DACH1: variants seen among roughly 807,000 people sequenced by gnomAD.
The protein encoded by DACH1 is dachshund homolog 1.
In DACH1, 12 loss-of-function variants were observed where a neutral mutation model predicts 54.2. The observed-to-expected ratio is 0.22, with a 90% CI of 0.14 to 0.36. The LOEUF is 0.36. Ranked by LOEUF, DACH1 falls within the 10% of genes least tolerant of loss-of-function variation. DACH1 has a pLI of 1.00. For missense variants in DACH1, 805 were observed against 929.8 expected (o/e 0.87, Z 1.75); for synonymous variants, 386 against 366.2 (o/e 1.05, Z -0.62).
chr13:71,597,142 C>T (rs1254716303), intron 3 of DACH1, among the ~76,000 whole-genome samples: 3 of 151,992 alleles, frequency 2.0e-5, no homozygotes, highest in Admixed American at 1.3e-4. Flanking sequence ...TGTGATGTAG[C>T]GTGAATTGAG....
At chr13:71,644,524 T>A (rs1878135274) in intron 2 of DACH1, among the ~76,000 whole-genome samples, 2 of 152,134 alleles carry the variant, frequency 1.3e-5, no homozygotes, top group South Asian at 4.1e-4. Flanking sequence ...AGAGTTCATA[T>A]AAACTGTGAG....
chr13:71,605,272 C>G (rs1379430955), intron 3 of DACH1, among the ~76,000 whole-genome samples: 3 of 151,736 alleles, frequency 2.0e-5, no homozygotes, highest in Admixed American at 2.0e-4. Flanking sequence ...TTACACTACT[C>G]AACATATTCT....
intron 1 of DACH1, among the ~76,000 whole-genome samples, chr13:71,863,759 A>G (rs141473904): frequency 7.3e-5 from 11 of 151,724 alleles, no homozygotes; most frequent in African/African-American, 1.7e-4. Context: ...GTCATTGAAG[A>G]AAGTTTTCTC....
intron 1 of DACH1, among the ~76,000 whole-genome samples, chr13:71,700,585 AG>A (rs1185096296): frequency 0.07 from 2,500 of 35,496 alleles, 87 homozygotes; most frequent in Middle Eastern, 0.12. Context: ...AAAAAAAAAA[AG>A]AGAGAGAGAG....
intron 1 of DACH1, among the ~76,000 whole-genome samples, chr13:71,758,568 C>G (rs1377577216): frequency 6.6e-6 from 1 of 152,118 alleles, no homozygotes; most frequent in Non-Finnish European, 1.5e-5. Flanking sequence ...GAGGAATACT[C>G]TAAAATGTGC....
At chr13:71,694,372 A>C (rs1881706788) in intron 1 of DACH1, among the ~76,000 whole-genome samples, 1 of 152,152 alleles carries the variant, frequency 6.6e-6, no homozygotes, top group African/African-American at 2.4e-5. Flanking sequence ...CTATGAACTA[A>C]TGAAAAGGTG....
intron 6 of DACH1, among the ~76,000 whole-genome samples, chr13:71,531,928 ATG>A (rs570986090): frequency 6.6e-6 from 1 of 151,712 alleles, no homozygotes; most frequent in South Asian, 2.1e-4. Context: ...TCACATATAT[ATG>A]TGTGTGTATA....
At chr13:71,503,349 T>A (rs1229412288) in intron 6 of DACH1, among the ~76,000 whole-genome samples, 3 of 152,202 alleles carry the variant, frequency 2.0e-5, no homozygotes, top group African/African-American at 4.8e-5. Context: ...ACTTGTTGAA[T>A]ATCTGATATA....
intron 6 of DACH1, among the ~76,000 whole-genome samples, chr13:71,495,595 C>G (rs1879340392): frequency 6.6e-6 from 1 of 152,058 alleles, no homozygotes; most frequent in East Asian, 1.9e-4. Context: ...CATTCTCACT[C>G]TAGGCACTCT....
At chr13:71,587,049 A>C (rs547719874) in intron 3 of DACH1, among the ~76,000 whole-genome samples, 1 of 152,134 alleles carries the variant, frequency 6.6e-6, no homozygotes, top group African/African-American at 2.4e-5. Context: ...TTAAAAATTC[A>C]AAAAAGCCCC....
At chr13:71,501,658 T>C (rs556307037) in intron 6 of DACH1, among the ~76,000 whole-genome samples, 1 of 152,210 alleles carries the variant, frequency 6.6e-6, no homozygotes, top group South Asian at 2.1e-4. Context: ...ATATTTGAAA[T>C]TTTCAATAAT....
intron 7 of DACH1, among the ~76,000 whole-genome samples, chr13:71,487,924 C>T (rs1041134993): frequency 2.0e-5 from 3 of 151,962 alleles, no homozygotes; most frequent in Non-Finnish European, 2.9e-5. Context: ...GACTATTTGG[C>T]CATGATTTAG....
intron 1 of DACH1, among the ~76,000 whole-genome samples, chr13:71,844,183 T>A (rs1262980736): frequency 1.3e-5 from 2 of 152,188 alleles, no homozygotes; most frequent in African/African-American, 4.8e-5. Context: ...ACTGAGTGAT[T>A]CTGGTATGCT....
chr13:71,646,315 C>A (rs997350722), intron 2 of DACH1, among the ~76,000 whole-genome samples: 1 of 142,904 alleles, frequency 7.0e-6, no homozygotes, highest in Non-Finnish European at 1.5e-5. Flanking sequence ...CCAGCCTGGG[C>A]AACCAGAGCA....
chr13:71,854,308 A>C (rs1041025492), intron 1 of DACH1, among the ~76,000 whole-genome samples: 1 of 150,704 alleles, frequency 6.6e-6, no homozygotes, highest in African/African-American at 2.5e-5. Flanking sequence ...ATTTCACTAG[A>C]GTTTCAAAAA....
chr13:71,633,905 A>G (rs759607139), intron 2 of DACH1, among the ~76,000 whole-genome samples: 60 of 151,570 alleles, frequency 4.0e-4, no homozygotes, highest in Non-Finnish European at 6.2e-4. Flanking sequence ...CCCATCTCCA[A>G]TCTCTTACTA....
At chr13:71,802,092 A>C (rs2138126858) in intron 1 of DACH1, among the ~76,000 whole-genome samples, 1 of 152,210 alleles carries the variant, frequency 6.6e-6, no homozygotes, top group East Asian at 1.9e-4. Flanking sequence ...GTGTTCAGTC[A>C]GGGCTAGATC....
At position 71,475,739 on chromosome 13, in the gene DACH1, C is replaced by T; in HGVS notation, c.1981G>A (p.Ala661Thr). The T allele has an allele frequency of 6.2e-7, 1 of 1,613,334 alleles. No individual in the cohort carries two copies. The highest frequency in any genetic ancestry group is 8.5e-7 in the Non-Finnish European group (1 of 1,179,810). ...ACCCTGAGACTATCTGTTGAAGCTG[C>T]CTGTTTTAGCGTCTGTTCTGCTTGT... Reference protein sequence around the residue: ...REQAEQTLKQAASTDSLRVLN... With the variant: ...REQAEQTLKQTASTDSLRVLN... The change falls in exon 9 of 11, where the codon GCA becomes ACA. Residue 661 changes from alanine (A) to threonine (T), a missense_variant. This residue lies in a region of DACH1 where 472 missense variants were observed against 545.3 expected (regional missense o/e 0.87). Transcript: ENST00000613252.
chr13:71,788,544 T>A (rs1365390190), intron 1 of DACH1, among the ~76,000 whole-genome samples: 1 of 151,992 alleles, frequency 6.6e-6, no homozygotes, highest in Non-Finnish European at 1.5e-5. Flanking sequence ...TTGTCCTGTC[T>A]GCTATAGGGT....
Sources: gnomAD v4.1 joint callset for allele counts (sites outside exome capture counted in the v4.1 genomes callset) on GRCh38, gnomAD v4.1.1 for gene constraint, gnomAD v4.1.1 regional missense constraint, MANE v1.5 for transcripts, NCBI Gene and HGNC (gene_info 2026-07-23, HGNC 2026-07-21) for gene names.